SLC66A2: variants seen among roughly 807,000 people sequenced by gnomAD.
SLC66A2 encodes solute carrier family 66 member 2.
Under a neutral mutation model 25.5 loss-of-function variants are expected in SLC66A2, and 23 were observed. The observed-to-expected ratio is 0.90, with a 90% CI of 0.65 to 1.28. The LOEUF (loss-of-function observed/expected upper bound fraction) is 1.28. Ranked by LOEUF, SLC66A2 falls within the 50% of genes most tolerant of loss-of-function variation. The pLI, the probability that SLC66A2 is intolerant of heterozygous loss-of-function variation, is 0.00. For synonymous variants in SLC66A2, 193 were observed against 166.5 expected, an observed-to-expected ratio of 1.16 and a Z score of -1.23; for missense variants, 396 against 373.1, an observed-to-expected ratio of 1.06 and a Z score of -0.51.
intron 4 of SLC66A2, among the ~76,000 whole-genome samples, chr18:79,922,251 G>T (rs1165338050): frequency 2.7e-5 from 4 of 149,610 alleles, no homozygotes; most frequent in Non-Finnish European, 5.9e-5. Flanking sequence ...GGCCAGCTTA[G>T]GCAACACAGA....
Position 79,916,254 on chromosome 18 carries a change from A to G in SLC66A2, c.608+2930T>C, listed in dbSNP as rs780098098. ...GCACTCCCGTACCCGTGGTGCTCTC[A>G]TAGCCGCAGTGCTCCCGTACCCGTG... On this transcript the variant is annotated intron_variant, in intron 5 of 5. Coordinates refer to ENST00000397778, the MANE Select transcript of SLC66A2 (RefSeq NM_025078.5). 2.8e-3 allele frequency among the ~76,000 whole-genome samples: 114 copies of G among 40,740 alleles called. 7 individuals are homozygous for G. The highest frequency in any genetic ancestry group is 9.2e-3 in the South Asian group (7 of 760). The allele number at this position is 40,740 out of a possible 152,430, so 26.7% of individuals were successfully genotyped here. A position where few individuals can be genotyped will look rare whatever the true frequency, so the allele number is the denominator to read the frequency against.
In SLC66A2 at chr18:79,904,234, CTCAG is replaced by C. The variant is rs777284214; in HGVS notation, c.609-55_609-52del. ...GCGGTGGGGAGGGCGGCGACCTGGG[CTCAG>C]TCAGTGGGGAGGCCTGGGGCTTAGA... On this transcript the variant is annotated intron_variant, in intron 5 of 5. Transcript: ENST00000397778. The surrounding 1 kb of genome is among the most constrained non-coding windows in gnomAD (Gnocchi z 6.3). 15 of 1,539,590 alleles carry C rather than the reference CTCAG, an allele frequency of 9.7e-6. No individual in the cohort carries two copies. Among genetic ancestry groups the C allele is most frequent in the Middle Eastern group, 1.7e-4 (1 of 5,730 alleles).
At chr18:79,931,430 G>A (rs934806927) in intron 4 of SLC66A2, among the ~76,000 whole-genome samples, 4 of 152,054 alleles carry the variant, frequency 2.6e-5, no homozygotes, top group African/African-American at 7.2e-5. Context: ...AGAAGACACA[G>A]ATGTCAAAAG....
intron 5 of SLC66A2, among the ~76,000 whole-genome samples, chr18:79,907,196 T>C (rs1599478607): frequency 6.6e-6 from 1 of 152,240 alleles, no homozygotes; most frequent in Non-Finnish European, 1.5e-5. Context: ...GGTTTGAATT[T>C]AGATCGACCA....
Position 79,918,057 on chromosome 18 carries a change from CT to C in SLC66A2, c.608+1126del. 6.6e-6 allele frequency among the ~76,000 whole-genome samples: 1 copy of C among 151,892 alleles called. No individual in the cohort carries two copies. Among genetic ancestry groups the C allele is most frequent in the East Asian group, 1.9e-4 (1 of 5,194 alleles). On this transcript the variant is annotated intron_variant, in intron 5 of 5. Transcript: ENST00000397778. This position sits in a 1 kb window ranked among gnomAD's most constrained non-coding sequence, Gnocchi z 4.0. The stretch of plus-strand genomic sequence containing the variant: ...CTGGCCTGCACCTACATCTCACCCC[CT>C]ACCACCACCCCACACCTACGACAAG...
rs892627146 is a variant in SLC66A2, at chr18:79,927,517, C to T, written c.391+6452G>A. Among the ~76,000 whole-genome samples the T allele has an allele frequency of 2.6e-5, 4 of 152,324 alleles. No homozygotes were observed. Among genetic ancestry groups the T allele is most frequent in the South Asian group, 4.1e-4 (2 of 4,826 alleles). ...GAGTATAAATGCCCTTCTTAGCCTT[C>T]GAGGCCGGCACTGGCCTCGCTGACC... On this transcript the variant is annotated intron_variant, in intron 4 of 5. Transcript: ENST00000397778. The surrounding 1 kb of genome is among the most constrained non-coding windows in gnomAD (Gnocchi z 6.2).
chr18:79,913,406 A>C (rs1983526646), intron 5 of SLC66A2, among the ~76,000 whole-genome samples: 1 of 152,240 alleles, frequency 6.6e-6, no homozygotes, highest in Admixed American at 6.5e-5. Context: ...GAGGAATGCA[A>C]ACACTCTCAG....
chr18:79,916,754 A>G (rs545900032), intron 5 of SLC66A2, among the ~76,000 whole-genome samples: 13 of 152,240 alleles, frequency 8.5e-5, no homozygotes, highest in Admixed American at 7.8e-4. Flanking sequence ...GTATCCCCTC[A>G]CTCGGCGGTT....
chr18:79,946,646 C>A (rs1157438556), intron 2 of SLC66A2, among the ~76,000 whole-genome samples: 2 of 152,226 alleles, frequency 1.3e-5, no homozygotes, highest in African/African-American at 4.8e-5. Flanking sequence ...CACAGAAAAA[C>A]TTCTCCATGT....
chr18:79,915,171 A>G (rs1238154943), intron 5 of SLC66A2, among the ~76,000 whole-genome samples: 1 of 152,188 alleles, frequency 6.6e-6, no homozygotes, highest in Non-Finnish European at 1.5e-5. Context: ...TCTAGCAGCA[A>G]ACGCCTTATG....
At chr18:79,946,130 A>G (rs1354835768) in intron 2 of SLC66A2, among the ~76,000 whole-genome samples, 1 of 152,194 alleles carries the variant, frequency 6.6e-6, no homozygotes, top group East Asian at 1.9e-4. Context: ...TAATCCACAC[A>G]TCAAAAATCA....
At chr18:79,911,431 T>C (rs955242797) in intron 5 of SLC66A2, among the ~76,000 whole-genome samples, 9 of 152,250 alleles carry the variant, frequency 5.9e-5, no homozygotes, top group Admixed American at 2.6e-4. Flanking sequence ...GACACAGCCC[T>C]GGTCAGACGG....
intron 5 of SLC66A2, among the ~76,000 whole-genome samples, chr18:79,910,318 AC>A (rs1982897970): frequency 5.0e-5 from 1 of 19,954 alleles, no homozygotes; most frequent in Non-Finnish European, 9.3e-5. Flanking sequence ...AACCTTCCCC[AC>A]CACCTCACCA....
intron 5 of SLC66A2, among the ~76,000 whole-genome samples, chr18:79,905,393 C>G (rs1471111323): frequency 1.3e-5 from 2 of 152,228 alleles, no homozygotes; most frequent in African/African-American, 4.8e-5. Context: ...TGGGTAGCAC[C>G]GGGGGAAGGT....
chr18:79,911,756 C>T (rs1038412147), intron 5 of SLC66A2, among the ~76,000 whole-genome samples: 2 of 140,926 alleles, frequency 1.4e-5, no homozygotes, highest in East Asian at 4.3e-4. Flanking sequence ...AGGGAGGGGA[C>T]GCAGCAGGGA....
intron 4 of SLC66A2, among the ~76,000 whole-genome samples, chr18:79,923,280 C>A (rs559503054): frequency 1.1e-5 from 1 of 93,108 alleles, no homozygotes; most frequent in African/African-American, 4.4e-5. Context: ...CATGGACAGG[C>A]GGGTGGTGGA....
intron 5 of SLC66A2, among the ~76,000 whole-genome samples, chr18:79,913,585 C>T (rs1433864197): frequency 3.3e-5 from 5 of 152,252 alleles, no homozygotes; most frequent in African/African-American, 1.2e-4. Flanking sequence ...GTGTGTGCAT[C>T]GCTGTGTGTG....
chr18:79,923,251 T>C (rs956098405), intron 4 of SLC66A2, among the ~76,000 whole-genome samples: 2 of 8,632 alleles, frequency 2.3e-4, no homozygotes, highest in African/African-American at 9.3e-4. Context: ...CGTGGACGGG[T>C]GGGTGGAGGA....
At chr18:79,908,211 GGAA>G (rs1321176637) in intron 5 of SLC66A2, among the ~76,000 whole-genome samples, 1 of 152,100 alleles carries the variant, frequency 6.6e-6, no homozygotes, top group Non-Finnish European at 1.5e-5. Flanking sequence ...CTCCTCCAGC[GGAA>G]GAACTTTTTT....
Sources: allele counts gnomAD v4.1 joint callset (sites outside exome capture counted in the v4.1 genomes callset), GRCh38; gene constraint gnomAD v4.1.1; non-coding constraint Gnocchi (gnomAD v3.1); transcripts MANE v1.5; gene names NCBI Gene and HGNC (gene_info 2026-07-23, HGNC 2026-07-21).